The following ST6GALNAC5 variants were observed in gnomAD, a reference collection of about 807,000 sequenced individuals.
ST6GALNAC5 encodes the protein ST6 N-acetylgalactosaminide alpha-2,6-sialyltransferase 5, also known as alpha-N-acetylgalactosaminide alpha-2,6-sialyltransferase 5.
A neutral mutation model predicts 33.6 loss-of-function variants in ST6GALNAC5; 27 were observed. The ratio of observed to expected loss-of-function variants is 0.80; its 90% CI spans 0.59 to 1.11. The LOEUF is 1.11. Among genes scored for constraint, ST6GALNAC5 ranks in the 50% least tolerant of loss-of-function variants. The probability of loss-of-function intolerance (pLI) is 0.00; values close to 1 mark genes in which losing one functional copy is unlikely to be tolerated. For synonymous variants in ST6GALNAC5, 194 were observed against 171.2 expected, an observed-to-expected ratio of 1.13 and a Z score of -1.04; for missense variants, 428 against 454.0, an observed-to-expected ratio of 0.94 and a Z score of 0.52.
intron 2 of ST6GALNAC5, among the ~76,000 whole-genome samples, chr1:76,954,315 G>T (rs1426758258): frequency 6.6e-6 from 1 of 152,108 alleles, no homozygotes; most frequent in African/African-American, 2.4e-5. Flanking sequence ...ACTTATAAGT[G>T]GGAGCTGAAT....
chr1:76,937,753 C>G (rs988363007), intron 2 of ST6GALNAC5, among the ~76,000 whole-genome samples: 2 of 152,048 alleles, frequency 1.3e-5, no homozygotes, highest in African/African-American at 4.8e-5. Context: ...AAACACTTTT[C>G]TTTTCCTCTG....
intron 2 of ST6GALNAC5, among the ~76,000 whole-genome samples, chr1:77,040,540 G>T (rs1651798495): frequency 1.3e-5 from 2 of 150,138 alleles, no homozygotes; most frequent in Admixed American, 1.3e-4. Flanking sequence ...CTCGGAAAGA[G>T]TGTTCAGCTG....
intron 2 of ST6GALNAC5, among the ~76,000 whole-genome samples, chr1:76,902,103 G>T (rs1190295111): frequency 6.6e-6 from 1 of 152,016 alleles, no homozygotes; most frequent in African/African-American, 2.4e-5. Context: ...GCAGAAAGGG[G>T]CCATGAACTT....
Position 77,063,079 on chromosome 1 carries a change from A to G in ST6GALNAC5, c.884A>G (p.His295Arg), listed in dbSNP as rs754674598. Residue 295 changes from histidine (H) to arginine (R), a missense_variant, in exon 5 of 5, where the codon CAC becomes CGC. Coordinates refer to ENST00000477717, the MANE Select transcript of ST6GALNAC5 (RefSeq NM_030965.3). ...GAGCGAGGACGCAAGGGCAGTCATC[A>G]CCGCTTTATCACAGAGAAACGAGTC... is the stretch of plus-strand genomic sequence containing the variant. ...SHERGRKGSH[H>R]RFITEKRVFK... 6.2e-7 allele frequency: 1 copy of G among 1,614,022 alleles called. No individual in the cohort carries two copies. The highest frequency in any genetic ancestry group is 1.7e-5 in the Admixed American group (1 of 60,006).
chr1:76,987,403 C>A (rs1052893711), intron 2 of ST6GALNAC5, among the ~76,000 whole-genome samples: 2 of 152,064 alleles, frequency 1.3e-5, no homozygotes, highest in Admixed American at 1.3e-4. Context: ...CATTTGACAC[C>A]AGTTAGGTTG....
At chr1:76,973,372 A>G (rs1014944794) in intron 2 of ST6GALNAC5, among the ~76,000 whole-genome samples, 1 of 151,854 alleles carries the variant, frequency 6.6e-6, no homozygotes, top group Non-Finnish European at 1.5e-5. Flanking sequence ...CAGTATGAAG[A>G]TTGTCTACTG....
intron 2 of ST6GALNAC5, among the ~76,000 whole-genome samples, chr1:76,914,378 G>A (rs375751329): frequency 0.046 from 7,022 of 152,148 alleles, 306 homozygotes; most frequent in African/African-American, 0.11. Context: ...AGCCCGCATC[G>A]CCAAGTCAAT....
intron 2 of ST6GALNAC5, among the ~76,000 whole-genome samples, chr1:77,009,995 G>T (rs758783727): frequency 6.6e-6 from 1 of 152,180 alleles, no homozygotes; most frequent in Non-Finnish European, 1.5e-5. Context: ...AGTCTTTGGA[G>T]CAGAGTCCTT....
chr1:76,936,675 T>A (rs777582464), intron 2 of ST6GALNAC5, among the ~76,000 whole-genome samples: 1 of 152,124 alleles, frequency 6.6e-6, no homozygotes, highest in African/African-American at 2.4e-5. Context: ...AACATTATTA[T>A]AAGATAATAC....
intron 2 of ST6GALNAC5, among the ~76,000 whole-genome samples, chr1:77,010,565 C>A (rs766564457): frequency 6.6e-6 from 1 of 152,070 alleles, no homozygotes; most frequent in East Asian, 1.9e-4. Context: ...AAGCAGTGAC[C>A]CTTGGCAGCT....
chr1:76,921,770 C>G (rs1199419198), intron 2 of ST6GALNAC5, among the ~76,000 whole-genome samples: 1 of 152,112 alleles, frequency 6.6e-6, no homozygotes, highest in African/African-American at 2.4e-5. Context: ...ATGAGTATCT[C>G]AACTGACACA....
chr1:76,947,965 G>A (rs928186505), intron 2 of ST6GALNAC5, among the ~76,000 whole-genome samples: 14 of 152,080 alleles, frequency 9.2e-5, no homozygotes, highest in African/African-American at 3.4e-4. Flanking sequence ...CCTCAGATGA[G>A]AGGAGCTTAA....
At chr1:77,055,398 G>C (rs1652358616) in intron 4 of ST6GALNAC5, among the ~76,000 whole-genome samples, 1 of 152,130 alleles carries the variant, frequency 6.6e-6, no homozygotes, top group African/African-American at 2.4e-5. Context: ...TAACATTAAT[G>C]GCTGATATTT....
chr1:76,977,707 T>C (rs1351613347), intron 2 of ST6GALNAC5, among the ~76,000 whole-genome samples: 1 of 152,232 alleles, frequency 6.6e-6, no homozygotes, highest in Non-Finnish European at 1.5e-5. Context: ...CACCACATTT[T>C]CTTTATCCAT....
chr1:77,053,779 T>A (rs1205997532), intron 4 of ST6GALNAC5, among the ~76,000 whole-genome samples: 1 of 152,196 alleles, frequency 6.6e-6, no homozygotes, highest in Non-Finnish European at 1.5e-5. Context: ...GTGAAAGGAT[T>A]CACTGATCTG....
chr1:76,898,325 GT>G (rs2100261406), intron 2 of ST6GALNAC5, among the ~76,000 whole-genome samples: 1 of 152,306 alleles, frequency 6.6e-6, no homozygotes, highest in Admixed American at 6.5e-5. Context: ...TGTGGCTGGG[GT>G]TTGTCTCACA....
intron 2 of ST6GALNAC5, among the ~76,000 whole-genome samples, chr1:76,955,257 T>C (rs1002093517): frequency 6.6e-6 from 1 of 152,164 alleles, no homozygotes; most frequent in African/African-American, 2.4e-5. Flanking sequence ...GAGGCCTGTC[T>C]GGGGACCTGA....
intron 4 of ST6GALNAC5, among the ~76,000 whole-genome samples, chr1:77,054,550 G>C (rs1469273619): frequency 2.0e-5 from 3 of 152,208 alleles, no homozygotes; most frequent in African/African-American, 7.2e-5. Flanking sequence ...CTTTTCAGGA[G>C]AGTAGAATCA....
intron 2 of ST6GALNAC5, among the ~76,000 whole-genome samples, chr1:76,909,851 A>C (rs17099710): frequency 0.015 from 2,269 of 152,188 alleles, 60 homozygotes; most frequent in African/African-American, 0.051. Flanking sequence ...TCATAGCAGG[A>C]CCTACTCTTT....
Sources: gnomAD v4.1 joint callset for allele counts (sites outside exome capture counted in the v4.1 genomes callset) on GRCh38, gnomAD v4.1.1 for gene constraint, MANE v1.5 for transcripts, NCBI Gene and HGNC (gene_info 2026-07-23, HGNC 2026-07-21) for gene names.